Variants in NINL observed in about 807,000 individuals in gnomAD.
NINL encodes ninein-like protein.
Under a neutral mutation model 160.3 loss-of-function variants are expected in NINL, and 153 were observed. The observed-to-expected ratio is 0.95, with a 90% CI of 0.84 to 1.09. The LOEUF (loss-of-function observed/expected upper bound fraction) is 1.09, where lower values mean the gene tolerates loss of function less well. NINL is among the 50% of genes least tolerant of loss of function. The pLI is 0.00. For missense variants in NINL, 1,829 were observed against 1,764.0 expected (o/e 1.04, Z -0.66); for synonymous variants, 800 against 734.8 (o/e 1.09, Z -1.43).
At position 25,507,580 on chromosome 20, in the gene NINL, A is replaced by G. The variant is rs542929478; in HGVS notation, c.518-2502T>C. Among the ~76,000 whole-genome samples, 4 of 152,310 alleles carry G rather than the reference A, an allele frequency of 2.6e-5. No individual in the cohort carries two copies. In the East Asian group the frequency reaches 7.7e-4, roughly 29 times the overall value. ...AGCAGGGACATGGCTGCTTCCACCC[A>G]ACACAGACTTTAGTGTTGCAGTTCT... is the stretch of plus-strand genomic sequence containing the variant. On this transcript the variant is annotated intron_variant, in intron 5 of 23. Transcript: ENST00000278886.
chr20:25,489,362 C>T lies in NINL; in HGVS notation c.1597-38G>A, dbSNP rs41301744. The T allele has an allele frequency of 1.9e-3, 3,053 of 1,590,366 alleles. 11 individuals carry two copies. The highest frequency in any genetic ancestry group is 1.9e-3 in the Non-Finnish European group (2,217 of 1,162,212). Reference sequence around the variant, plus strand: ...CACAAAGGAAGTCACGGGTGGGCCTCGGGCCAGAGGGGGACCTGCTTCTCC... The same window carrying T: ...CACAAAGGAAGTCACGGGTGGGCCTTGGGCCAGAGGGGGACCTGCTTCTCC... On this transcript the variant is annotated intron_variant, in intron 12 of 23. Coordinates refer to ENST00000278886, the MANE Select transcript of NINL (RefSeq NM_025176.6).
chr20:25,504,099 G>C lies in NINL; in HGVS notation c.714C>G (p.Leu238=), dbSNP rs149083161. The change falls in exon 7 of 24, where the codon CTC becomes CTG. Residue 238 remains leucine, a synonymous_variant. Transcript: ENST00000278886. ...VGLQGLEKEE[L]EDLFNKLDQD... ...GATCCAGTTTGTTAAACAGGTCTTCGAGTTCCTAAACAAAAGCCGTCATAT... is the reference window on the plus strand; with the variant it reads ...GATCCAGTTTGTTAAACAGGTCTTCCAGTTCCTAAACAAAAGCCGTCATAT... The C allele has an allele frequency of 1.3e-6, 2 of 1,568,846 alleles. No individual in the cohort carries two copies. Among genetic ancestry groups the C allele is most frequent in the Non-Finnish European group, 1.7e-6 (2 of 1,158,612 alleles).
At position 25,572,404 on chromosome 20, in the gene NINL, C is replaced by T. The variant is rs377643442; in HGVS notation, c.-12+13051G>A. Among the ~76,000 whole-genome samples the T allele has an allele frequency of 2.0e-3, 303 of 152,284 alleles. 2 individuals carry two copies. Among genetic ancestry groups the T allele is most frequent in the Middle Eastern group, 0.014 (4 of 294 alleles). ...AGGTGTCTCTACCACTGACCCCTCACTACGGTGCTTGCTTTTGTAATTATC... is the reference window on the plus strand; with the variant it reads ...AGGTGTCTCTACCACTGACCCCTCATTACGGTGCTTGCTTTTGTAATTATC... On this transcript the variant is annotated intron_variant, in intron 1 of 23. Transcript: ENST00000278886.
intron 1 of NINL, among the ~76,000 whole-genome samples, chr20:25,555,577 C>T (rs879041131): frequency 2.1e-4 from 32 of 152,152 alleles, no homozygotes; most frequent in Admixed American, 7.2e-4. Flanking sequence ...ACACGAAAGA[C>T]ACATCAGGCC....
chr20:25,476,278 G>A lies in NINL; in HGVS notation c.3013C>T (p.Leu1005=). ...CTGTGCTTGTGACACCCAGGCTCCAGGGCGCCCTCGGCCCGGGCCTGCTGC... is the reference window on the plus strand; with the variant it reads ...CTGTGCTTGTGACACCCAGGCTCCAAGGCGCCCTCGGCCCGGGCCTGCTGC... ...SEQQARAEGA[L]EPGCHKHSVE... The change falls in exon 17 of 24, where the codon CTG becomes TTG. Residue 1005 remains leucine (L), a synonymous_variant. Transcript: ENST00000278886. The A allele has an allele frequency of 5.0e-6, 8 of 1,613,574 alleles. No homozygotes were observed. Among genetic ancestry groups the A allele is most frequent in the Non-Finnish European group, 6.8e-6 (8 of 1,179,928 alleles).
At chr20:25,564,390 T>C (rs1342529620) in intron 1 of NINL, among the ~76,000 whole-genome samples, 2 of 152,190 alleles carry the variant, frequency 1.3e-5, no homozygotes. Flanking sequence ...CAATCTCAGC[T>C]CACTGCAACC....
intron 1 of NINL, chr20:25,540,134 C>G (rs905515000): frequency 1.4e-5 from 14 of 979,544 alleles, no homozygotes; most frequent in Non-Finnish European, 1.8e-5. Context: ...ACCAGAAAAT[C>G]TGGCCAGCAT....
At chr20:25,582,654 T>C (rs1456893747) in intron 1 of NINL, among the ~76,000 whole-genome samples, 1 of 152,232 alleles carries the variant, frequency 6.6e-6, no homozygotes, top group Non-Finnish European at 1.5e-5. Flanking sequence ...TAATGGATGA[T>C]GTATAAGTCA....
chr20:25,462,647 T>TTTTGTTTTGC, intron 19 of NINL, 106 bp from the exon 20 acceptor site: 1 of 842,644 alleles, frequency 1.2e-6, no homozygotes, highest in South Asian at 1.8e-5. Context: ...TAGTCATTTG[T>TTTTGTTTTGC]TTTGTTTTGT....
chr20:25,487,003 C>T (rs78797808), intron 13 of NINL, among the ~76,000 whole-genome samples: 2,434 of 152,230 alleles, frequency 0.016, 36 homozygotes, highest in Non-Finnish European at 0.026. Context: ...CACAGTATCC[C>T]CAGAAACAAT....
intron 19 of NINL, among the ~76,000 whole-genome samples, chr20:25,464,086 T>C (rs1301223244): frequency 1.3e-5 from 2 of 152,234 alleles, no homozygotes; most frequent in South Asian, 2.1e-4. Context: ...ATAAACACAA[T>C]AGTGGATTTT....
In NINL at chr20:25,461,590, G is replaced by A. The variant is rs200555815; in HGVS notation, c.3628C>T (p.Gln1210Ter). 1.1e-5 allele frequency: 17 copies of A among 1,610,854 alleles called. No individual in the cohort carries two copies. The highest frequency in any genetic ancestry group is 1.0e-5 in the Non-Finnish European group (12 of 1,179,056). Residue 1210 changes from glutamine (Q) to a stop codon, truncating the protein, a stop_gained, in exon 21 of 24, where the codon CAG (glutamine) becomes TAG (stop). Transcript: ENST00000278886. LOFTEE classifies it high-confidence loss of function. ...KLRVELECLN[Q>*]EHQSLQLPWS... ...GGCAGCTGCAGGCTCTGATGTTCCT[G>A]ATTCAGGCATTCAAGTTCAACTCTA...
chr20:25,532,538 C>A (rs879597269), intron 1 of NINL, among the ~76,000 whole-genome samples: 2 of 152,222 alleles, frequency 1.3e-5, no homozygotes, highest in Non-Finnish European at 2.9e-5. Flanking sequence ...GCAGCCCCCA[C>A]CACTTCTCAA....
intron 9 of NINL, among the ~76,000 whole-genome samples, chr20:25,497,508 G>C (rs34056528): frequency 6.6e-6 from 1 of 152,230 alleles, no homozygotes; most frequent in Non-Finnish European, 1.5e-5. Context: ...CAGTCTTTAG[G>C]ATTGAGATTG....
chr20:25,466,480 C>T (rs1410486206), intron 19 of NINL, among the ~76,000 whole-genome samples: 1 of 152,114 alleles, frequency 6.6e-6, no homozygotes, highest in East Asian at 1.9e-4. Flanking sequence ...TTCAACTTTC[C>T]TGTGTTTAAA....
At position 25,526,687 on chromosome 20, in the gene NINL, T is replaced by C. The variant is rs78917370; in HGVS notation, c.-11-89A>G. The C allele has an allele frequency of 3.1e-3, 4,186 of 1,364,158 alleles. 94 individuals carry two copies. In the African/African-American group the frequency reaches 0.054, roughly 18 times the overall value. The allele number at this position is 1,364,158 out of a possible 1,614,324, so 84.5% of individuals were successfully genotyped here. A position where few individuals can be genotyped will look rare whatever the true frequency, so the allele number is the denominator to read the frequency against. ...CACTGCCGGTGAGCACCGAGCTACA[T>C]GGTCCAAGCAGACGCAGGAGCTGGC... On this transcript the variant is annotated intron_variant, in intron 1 of 23. Coordinates refer to ENST00000278886, the MANE Select transcript of NINL (RefSeq NM_025176.6).
At chr20:25,541,174 G>A (rs1236190111) in intron 1 of NINL, among the ~76,000 whole-genome samples, 1 of 152,174 alleles carries the variant, frequency 6.6e-6, no homozygotes, top group Non-Finnish European at 1.5e-5. Flanking sequence ...CAAAGTCTCT[G>A]GTTTTAATGT....
At chr20:25,496,363 G>A (rs982743857) in intron 10 of NINL, among the ~76,000 whole-genome samples, 4 of 152,196 alleles carry the variant, frequency 2.6e-5, no homozygotes, top group Admixed American at 1.3e-4. Context: ...CACGCAGCTA[G>A]GGGCCGAAAG....
At chr20:25,553,916 T>A (rs1385210459) in intron 1 of NINL, among the ~76,000 whole-genome samples, 2 of 152,236 alleles carry the variant, frequency 1.3e-5, no homozygotes, top group African/African-American at 4.8e-5. Context: ...GAGGCTCTTC[T>A]TGTTGTCTGA....
Sources: gnomAD v4.1 joint callset for allele counts (sites outside exome capture counted in the v4.1 genomes callset) on GRCh38, gnomAD v4.1.1 for gene constraint, MANE v1.5 for transcripts, NCBI Gene and HGNC (gene_info 2026-07-23, HGNC 2026-07-21) for gene names.